Variants in CEACAM1 observed in about 807,000 individuals in gnomAD.
CEACAM1 encodes cell adhesion molecule CEACAM1.
In CEACAM1, 31 loss-of-function variants were observed where a neutral mutation model predicts 49.1. That is an observed-to-expected ratio of 0.63 (90% CI 0.47 to 0.85). The LOEUF (loss-of-function observed/expected upper bound fraction) is 0.85. Among genes scored for constraint, CEACAM1 ranks in the 40% least tolerant of loss-of-function variants. The pLI is 0.00. For synonymous variants in CEACAM1, 244 were observed against 247.8 expected (o/e 0.98, Z 0.14); for missense variants, 570 against 645.3 (o/e 0.88, Z 1.26).
Position 42,528,335 on chromosome 19 carries a change from G to C in CEACAM1, c.40C>G (p.Pro14Ala). ...CCTGTGAGCAGAAGCCCCTGCCAGG[G>C]TACACGCACTCTGTGAAGTGGGGCT... ...LSAPLHRVRV[P>A]WQGLLLTASL... is the part of the protein sequence containing the mutation. The change falls in exon 1 of 9, where the codon CCC becomes GCC. Residue 14 changes from proline to alanine, a missense_variant. Physicochemically the swap from Pro to Ala is conservative, Grantham distance 27. Coordinates refer to ENST00000161559, the MANE Select transcript of CEACAM1 (RefSeq NM_001712.5). 2 of 1,613,820 alleles carry C rather than the reference G, an allele frequency of 1.2e-6. No individual in the cohort carries two copies. Among genetic ancestry groups the C allele is most frequent in the Non-Finnish European group, 1.7e-6 (2 of 1,179,870 alleles).
In CEACAM1 at chr19:42,521,458, C is replaced by G; in HGVS notation, c.767G>C (p.Ser256Thr). 3.1e-6 allele frequency: 5 copies of G among 1,614,180 alleles called. No individual in the cohort carries two copies. The highest frequency in any genetic ancestry group is 4.2e-6 in the Non-Finnish European group (5 of 1,180,040). Reference protein sequence around the residue: ...DTYYRPGANLSLSCYAASNPP... With the variant: ...DTYYRPGANLTLSCYAASNPP... ...GTTAGAGGCTGCATAGCAGGAGAGGCTGAGGTTTGCCCCTGGACGGTAATA... is the reference window on the plus strand; with the variant it reads ...GTTAGAGGCTGCATAGCAGGAGAGGGTGAGGTTTGCCCCTGGACGGTAATA... The change falls in exon 4 of 9, where the codon AGC becomes ACC. Residue 256 changes from serine to threonine, a missense_variant. Transcript: ENST00000161559.
intron 2 of CEACAM1, among the ~76,000 whole-genome samples, chr19:42,524,647 C>T (rs1005185448): frequency 3.9e-5 from 6 of 152,050 alleles, no homozygotes; most frequent in East Asian, 1.9e-4. Flanking sequence ...CCTTGTTAGA[C>T]GGAGTGTCTG....
chr19:42,512,298 A>G lies in CEACAM1; in HGVS notation c.1376+52T>C, dbSNP rs377242531. 102 of 1,607,046 alleles carry G rather than the reference A, an allele frequency of 6.3e-5. No homozygotes were observed. The African/African-American group carries it at 1.1e-3, about 18-fold the overall frequency. ...GGCAAAGAATTCTTTCCCTCTCCCA[A>G]GCATGGCAGTCAGCCTTGGAGGAAA... On this transcript the variant is annotated intron_variant, in intron 6 of 8. Transcript: ENST00000161559.
In CEACAM1 at chr19:42,512,012, A is replaced by G. The variant is rs554833666; in HGVS notation, c.1376+338T>C. The stretch of plus-strand genomic sequence containing the variant: ...TCTCCCTCCTCTTCCAATGTGGTCA[A>G]CAGAGCACATGACTTGCTTTCTCCT... On this transcript the variant is annotated intron_variant, in intron 6 of 8. Coordinates refer to ENST00000161559, the MANE Select transcript of CEACAM1 (RefSeq NM_001712.5). Among the ~76,000 whole-genome samples the G allele has an allele frequency of 5.3e-5, 8 of 152,190 alleles. No individual in the cohort carries two copies. The South Asian group carries it at 1.2e-3, about 24-fold the overall frequency.
Position 42,508,874 on chromosome 19 carries a change from C to A in CEACAM1, c.*235G>T. On this transcript the variant is annotated 3_prime_UTR_variant, in exon 9 of 9. Transcript: ENST00000161559. ...CCCTCTTTCCCAAAGTCAGCTTTGC[C>A]AAATTTCAATGACAAGAAGGTTGGG... 1 of 454,202 alleles carries A rather than the reference C, an allele frequency of 2.2e-6. No homozygotes were observed. The highest frequency in any genetic ancestry group is 6.4e-4 in the Middle Eastern group (1 of 1,574). 28.1% of individuals were successfully genotyped at this position (454,202 alleles called of 1,614,324 possible).
chr19:42,527,303 A>C lies in CEACAM1; in HGVS notation c.162T>G (p.Leu54=). The C allele has an allele frequency of 6.2e-7, 1 of 1,614,158 alleles. No individual in the cohort carries two copies. Among genetic ancestry groups the C allele is most frequent in the Non-Finnish European group, 8.5e-7 (1 of 1,180,018 alleles). The change falls in exon 2 of 9, where the codon CTT becomes CTG. Residue 54 remains leucine (L), a synonymous_variant. Transcript: ENST00000161559. Reference sequence around the variant, plus strand: ...AAAGTTGCTGGGGCAGATTGTGGACAAGGAGAAGAACCTCCTTCCCCTCTG... The same window carrying C: ...AAAGTTGCTGGGGCAGATTGTGGACCAGGAGAAGAACCTCCTTCCCCTCTG... The part of the protein sequence containing the change: ...NVAEGKEVLL[L]VHNLPQQLFG...
intron 4 of CEACAM1, among the ~76,000 whole-genome samples, chr19:42,520,067 G>T (rs532204844): frequency 9.1e-4 from 139 of 152,298 alleles, no homozygotes; most frequent in African/African-American, 3.2e-3. Context: ...TTACTTCCTG[G>T]TCTGTGGATA....
chr19:42,521,397 T>C lies in CEACAM1; in HGVS notation c.828A>G (p.Thr276=). The change falls in exon 4 of 9, where the codon ACA becomes ACG. Residue 276 remains threonine (T), a synonymous_variant. Coordinates refer to ENST00000161559, the MANE Select transcript of CEACAM1 (RefSeq NM_001712.5). ...AGAGCTCTTGTGTGCTTTGCTGGAATGTTCCATTGATAAGCCAGGAGTACT... is the reference window on the plus strand; with the variant it reads ...AGAGCTCTTGTGTGCTTTGCTGGAACGTTCCATTGATAAGCCAGGAGTACT... ...PAQYSWLING[T]FQQSTQELFI... The C allele has an allele frequency of 1.2e-6, 2 of 1,614,228 alleles. No homozygotes were observed. Among genetic ancestry groups the C allele is most frequent in the Non-Finnish European group, 1.7e-6 (2 of 1,180,044 alleles).
intron 8 of CEACAM1, among the ~76,000 whole-genome samples, chr19:42,509,663 G>C (rs979935853): frequency 2.6e-5 from 4 of 151,724 alleles, no homozygotes; most frequent in African/African-American, 9.7e-5. Flanking sequence ...GTCTCGCTCT[G>C]TCGCCCAGGC....
At chr19:42,513,226 C>T (rs1018195006) in intron 5 of CEACAM1, among the ~76,000 whole-genome samples, 1 of 152,156 alleles carries the variant, frequency 6.6e-6, no homozygotes, top group African/African-American at 2.4e-5. Context: ...TGAAAGCTAG[C>T]CCAGTTTTGT....
rs2041773162 is a variant in CEACAM1 at position 42,522,314 on chromosome 19, AC to A, written c.425-113del. The A allele has an allele frequency of 4.0e-6, 6 of 1,513,838 alleles. No homozygotes were observed. In the East Asian group the frequency reaches 1.4e-4, roughly 34 times the overall value. 93.8% of individuals were successfully genotyped at this position (1,513,838 alleles called of 1,614,324 possible). A position where few individuals can be genotyped will look rare whatever the true frequency, so the allele number is the denominator to read the frequency against. On this transcript the variant is annotated intron_variant, in intron 2 of 8. Coordinates refer to ENST00000161559, the MANE Select transcript of CEACAM1 (RefSeq NM_001712.5). Reference sequence around the variant, plus strand: ...TTTGGAGATGGAGCCTCGCTCTGTCACCCAGGCTGGAGTGCAATGGCACGAT... The same window carrying A: ...TTTGGAGATGGAGCCTCGCTCTGTCACCAGGCTGGAGTGCAATGGCACGAT...
rs1469156377 is a variant in CEACAM1 at position 42,512,482 on chromosome 19, G to T, written c.1247-3C>A. On this transcript the variant is annotated splice_region_variant and splice_polypyrimidine_tract_variant and intron_variant, in intron 5 of 8. Transcript: ENST00000161559. ...ATTTTCTTGTGGTAGAGCATTATCT[G>T]TCATGGAGAGAAAAGAGGAGAAGAA... 2 of 1,613,418 alleles carry T rather than the reference G, an allele frequency of 1.2e-6. No individual in the cohort carries two copies. Among genetic ancestry groups the T allele is most frequent in the Non-Finnish European group, 1.7e-6 (2 of 1,179,470 alleles).
intron 5 of CEACAM1, among the ~76,000 whole-genome samples, chr19:42,513,927 A>ATAATACCTTT (rs1372125646): frequency 7.6e-6 from 1 of 132,082 alleles, no homozygotes; most frequent in Non-Finnish European, 1.5e-5. Flanking sequence ...TAATATATAA[A>ATAATACCTTT]TAATACCTTT....
At chr19:42,511,378 T>G in intron 7 of CEACAM1, 198 bp downstream of exon 7, 1 of 606,300 alleles carries the variant, frequency 1.6e-6, no homozygotes, top group Non-Finnish European at 2.9e-6. Flanking sequence ...AGTGAGCCTC[T>G]CTCCTCAGAT....
At position 42,511,458 on chromosome 19, in the gene CEACAM1, G is replaced by C. The variant is rs963080500; in HGVS notation, c.1429+118C>G. On this transcript the variant is annotated intron_variant, in intron 7 of 8. Coordinates refer to ENST00000161559, the MANE Select transcript of CEACAM1 (RefSeq NM_001712.5). ...TGCCACCTTAGGGTTGGGAAATAGA[G>C]ATCCTTTCTGTGAAAATTCAGAAGG... 3.4e-6 allele frequency: 3 copies of C among 876,530 alleles called. No individual in the cohort carries two copies. In the East Asian group the frequency reaches 7.2e-5, roughly 21 times the overall value. The allele number at this position is 876,530 out of a possible 1,614,324, so 54.3% of individuals were successfully genotyped here.
chr19:42,521,232 C>A, intron 4 of CEACAM1, 35 bp downstream of exon 4: 1 of 1,607,094 alleles, frequency 6.2e-7, no homozygotes, highest in South Asian at 1.1e-5. Context: ...GCTTGTACCC[C>A]AGATCTTAGT....
Position 42,521,315 on chromosome 19 carries a change from A to G in CEACAM1, c.910T>C (p.Ser304Pro). The G allele has an allele frequency of 6.2e-7, 1 of 1,614,182 alleles. No individual in the cohort carries two copies. Among genetic ancestry groups the G allele is most frequent in the Non-Finnish European group, 8.5e-7 (1 of 1,180,034 alleles). Residue 304 changes from serine to proline, a missense_variant, in exon 4 of 9, where the codon TCA becomes CCA. Physicochemically the swap from Ser to Pro is moderately conservative, Grantham distance 74. Coordinates refer to ENST00000161559, the MANE Select transcript of CEACAM1 (RefSeq NM_001712.5). The part of the protein sequence containing the change: ...SGSYTCHANN[S>P]VTGCNRTTVK... ...GTGGTCCTGTTGCAGCCAGTGACTG[A>G]GTTATTGGCGTGGCAGGTATAGGAT...
At chr19:42,521,207 T>C in intron 4 of CEACAM1, 60 bp downstream of exon 4, 1 of 1,583,342 alleles carries the variant, frequency 6.3e-7, no homozygotes, top group Non-Finnish European at 8.6e-7. Context: ...TCTGCTCCTA[T>C]TTGAAAACCA....
chr19:42,519,974 G>A (rs2041702467), intron 4 of CEACAM1, among the ~76,000 whole-genome samples: 1 of 152,088 alleles, frequency 6.6e-6, no homozygotes, highest in African/African-American at 2.4e-5. Flanking sequence ...AATTTTTTAG[G>A]GAATGATGAT....
Sources: gnomAD v4.1 joint callset for allele counts (sites outside exome capture counted in the v4.1 genomes callset) on GRCh38, gnomAD v4.1.1 for gene constraint, MANE v1.5 for transcripts, NCBI Gene and HGNC (gene_info 2026-07-23, HGNC 2026-07-21) for gene names.